The following BCAS3 variants were observed in gnomAD, a reference collection of about 807,000 sequenced individuals.
BCAS3 encodes the protein BCAS3 microtubule associated cell migration factor.
Under a neutral mutation model 116.1 loss-of-function variants are expected in BCAS3, and 53 were observed. The observed-to-expected ratio is 0.46, with a 90% CI of 0.37 to 0.57. The LOEUF (loss-of-function observed/expected upper bound fraction) is 0.57. BCAS3 is among the 20% of genes least tolerant of loss of function. The pLI, the probability that BCAS3 is intolerant of heterozygous loss-of-function variation, is 0.00. For synonymous variants in BCAS3, 391 were observed against 408.2 expected, an observed-to-expected ratio of 0.96 and a Z score of 0.51; for missense variants, 917 against 1,165.4, an observed-to-expected ratio of 0.79 and a Z score of 3.10.
At chr17:61,175,716 G>A (rs1229303558) in intron 22 of BCAS3, among the ~76,000 whole-genome samples, 5 of 152,074 alleles carry the variant, frequency 3.3e-5, no homozygotes, top group Admixed American at 2.0e-4. Flanking sequence ...AAATATTAAC[G>A]GAAGCTACAC....
intron 1 of BCAS3, 59 bp from the exon 2 acceptor site, chr17:60,679,394 A>AC: frequency 3.1e-6 from 4 of 1,309,760 alleles, no homozygotes; most frequent in Non-Finnish European, 4.4e-6. Flanking sequence ...CTTCCTCCCT[A>AC]CCCCCAACAA....
chr17:61,055,608 G>C (rs2069294978), intron 19 of BCAS3, among the ~76,000 whole-genome samples: 3 of 152,226 alleles, frequency 2.0e-5, no homozygotes, highest in African/African-American at 7.2e-5. Flanking sequence ...TTTCTCAGCA[G>C]ACACATGAAA....
intron 22 of BCAS3, among the ~76,000 whole-genome samples, chr17:61,115,359 C>T (rs1351889310): frequency 2.6e-5 from 4 of 151,900 alleles, no homozygotes; most frequent in African/African-American, 4.8e-5. Flanking sequence ...AGGGCTAATA[C>T]CCAGAATCTA....
chr17:61,369,385 G>A (rs1021352387), intron 23 of BCAS3, among the ~76,000 whole-genome samples: 10 of 152,232 alleles, frequency 6.6e-5, no homozygotes, highest in South Asian at 2.1e-4. Flanking sequence ...GCACTGCTCC[G>A]TTCCCGTTCC....
intron 22 of BCAS3, among the ~76,000 whole-genome samples, chr17:61,099,883 A>G (rs892076291): frequency 6.6e-6 from 1 of 152,228 alleles, no homozygotes; most frequent in Admixed American, 6.5e-5. Flanking sequence ...CATATGGAGA[A>G]CTGACCCTAA....
At chr17:60,829,397 G>A (rs895377958) in intron 7 of BCAS3, among the ~76,000 whole-genome samples, 1 of 151,866 alleles carries the variant, frequency 6.6e-6, no homozygotes, top group African/African-American at 2.4e-5. Flanking sequence ...GGGAGGCTGA[G>A]GCAGGAGAAT....
At chr17:61,234,911 G>A (rs1423929955) in intron 22 of BCAS3, among the ~76,000 whole-genome samples, 1 of 139,702 alleles carries the variant, frequency 7.2e-6, no homozygotes, top group East Asian at 2.2e-4. Flanking sequence ...TTATTGAGAC[G>A]GAGTCTCGCT....
chr17:60,721,502 T>G (rs1163783952), intron 5 of BCAS3, among the ~76,000 whole-genome samples: 2 of 152,188 alleles, frequency 1.3e-5, no homozygotes, highest in African/African-American at 4.8e-5. Flanking sequence ...AACTTAATTT[T>G]TCCCTGTGTG....
chr17:60,984,643 C>A (rs1421664269), intron 14 of BCAS3, among the ~76,000 whole-genome samples: 3 of 151,950 alleles, frequency 2.0e-5, no homozygotes, highest in African/African-American at 7.3e-5. Context: ...TCCAATTACA[C>A]TCTTTTAATT....
Position 61,215,582 on chromosome 17 carries a change from G to A in BCAS3, c.2425+131018G>A, listed in dbSNP as rs540844299. 1.3e-5 allele frequency among the ~76,000 whole-genome samples: 2 copies of A among 152,242 alleles called. No individual in the cohort carries two copies. Among genetic ancestry groups the A allele is most frequent in the Admixed American group, 6.5e-5 (1 of 15,286 alleles). On this transcript the variant is annotated intron_variant, in intron 22 of 23. Coordinates refer to ENST00000407086, the MANE Select transcript of BCAS3 (RefSeq NM_017679.5). This position sits in a 1 kb window ranked among gnomAD's most constrained non-coding sequence, Gnocchi z 4.8. ...TATGCCACTGACTATAAAATACAGA[G>A]GAACATACTTTTTAAGCCACTTAAG...
chr17:60,838,729 C>T (rs939390637), intron 7 of BCAS3, among the ~76,000 whole-genome samples: 1 of 152,126 alleles, frequency 6.6e-6, no homozygotes, highest in Non-Finnish European at 1.5e-5. Flanking sequence ...TTGTTGACTT[C>T]TATATACCGC....
At chr17:60,731,377 T>G (rs1399789233) in intron 5 of BCAS3, among the ~76,000 whole-genome samples, 1 of 152,180 alleles carries the variant, frequency 6.6e-6, no homozygotes, top group Non-Finnish European at 1.5e-5. Flanking sequence ...TACGCCCAGC[T>G]AATTTTTGTA....
chr17:61,086,347 C>T (rs1282846327), intron 22 of BCAS3, among the ~76,000 whole-genome samples: 2 of 152,188 alleles, frequency 1.3e-5, no homozygotes, highest in African/African-American at 2.4e-5. Flanking sequence ...CCTGCCTCAG[C>T]CTCCCAAAGT....
At chr17:60,837,052 C>A (rs1487422615) in intron 7 of BCAS3, among the ~76,000 whole-genome samples, 1 of 151,944 alleles carries the variant, frequency 6.6e-6, no homozygotes, top group African/African-American at 2.4e-5. Context: ...GGAAATGGGA[C>A]CTGATTATTT....
intron 12 of BCAS3, among the ~76,000 whole-genome samples, chr17:60,910,960 A>G (rs2058462757): frequency 6.6e-6 from 1 of 152,120 alleles, no homozygotes; most frequent in Admixed American, 6.5e-5. Context: ...CATTTGTTTC[A>G]TAAATAAATA....
In BCAS3 at chr17:61,333,980, TATTCATTC is replaced by T. The variant is rs1208839642; in HGVS notation, c.2426-34333_2426-34326del. On this transcript the variant is annotated intron_variant, in intron 22 of 23. Coordinates refer to ENST00000407086, the MANE Select transcript of BCAS3 (RefSeq NM_017679.5). The surrounding 1 kb of genome is among the most constrained non-coding windows in gnomAD (Gnocchi z 4.8). ...ATTGAGAGATGAGTCAGCATTCATA[TATTCATTC>T]ATTCATTCATTCAGATATTAATTCA... Among the ~76,000 whole-genome samples, 8 of 152,186 alleles carry T rather than the reference TATTCATTC, an allele frequency of 5.3e-5. No homozygotes were observed. Among genetic ancestry groups the T allele is most frequent in the South Asian group, 2.1e-4 (1 of 4,832 alleles).
Position 60,709,206 on chromosome 17 carries a change from A to T in BCAS3, c.215-13A>T. 7.4e-7 allele frequency: 1 copy of T among 1,346,186 alleles called. No individual in the cohort carries two copies. The highest frequency in any genetic ancestry group is 1.1e-6 in the Non-Finnish European group (1 of 949,132). The allele number at this position is 1,346,186 out of a possible 1,614,324, so 83.4% of individuals were successfully genotyped here. On this transcript the variant is annotated splice_polypyrimidine_tract_variant and intron_variant, in intron 4 of 23. Coordinates refer to ENST00000407086, the MANE Select transcript of BCAS3 (RefSeq NM_017679.5). The stretch of plus-strand genomic sequence containing the variant: ...TTTTAAATTTGCTTCTTTGTTACTT[A>T]ATTCTAATGCAGATACATCAAGAAA...
rs753391254 is a variant in BCAS3 at position 61,204,372 on chromosome 17, C to T, written c.2425+119808C>T. 6.6e-6 allele frequency among the ~76,000 whole-genome samples: 1 copy of T among 152,152 alleles called. No homozygotes were observed. The highest frequency in any genetic ancestry group is 2.4e-5 in the African/African-American group (1 of 41,432). The stretch of plus-strand genomic sequence containing the variant: ...TTCTAGATATCACATTTTACGGGAC[C>T]TTTACATTTAGTTCACTATTTTTTG... On this transcript the variant is annotated intron_variant, in intron 22 of 23. Coordinates refer to ENST00000407086, the MANE Select transcript of BCAS3 (RefSeq NM_017679.5). This position sits in a 1 kb window ranked among gnomAD's most constrained non-coding sequence, Gnocchi z 4.2.
At chr17:60,803,732 A>G (rs552665371) in intron 6 of BCAS3, among the ~76,000 whole-genome samples, 2 of 151,808 alleles carry the variant, frequency 1.3e-5, no homozygotes, top group East Asian at 1.9e-4. Context: ...CACAAAGTAT[A>G]TAATGAAAAG....
Sources: gnomAD v4.1 joint callset for allele counts (sites outside exome capture counted in the v4.1 genomes callset) on GRCh38, gnomAD v4.1.1 for gene constraint, Gnocchi (gnomAD v3.1) non-coding constraint, MANE v1.5 for transcripts, NCBI Gene and HGNC (gene_info 2026-07-23, HGNC 2026-07-21) for gene names.